Variants in TYW5 observed in about 807,000 individuals in gnomAD.
The protein encoded by TYW5 is tRNA wybutosine-synthesizing protein 5.
Under a neutral mutation model 44.4 loss-of-function variants are expected in TYW5, and 36 were observed. That is an observed-to-expected ratio of 0.81 (90% CI 0.62 to 1.07). The LOEUF is 1.07. Among genes scored for constraint, TYW5 ranks in the 50% least tolerant of loss-of-function variants. The pLI is 0.00. For synonymous variants in TYW5, 121 were observed against 128.1 expected (o/e 0.94, Z 0.37); for missense variants, 354 against 365.7 (o/e 0.97, Z 0.26).
chr2:199,951,355 A>T (rs1044171607), intron 1 of TYW5, among the ~76,000 whole-genome samples: 5 of 152,306 alleles, frequency 3.3e-5, no homozygotes, highest in African/African-American at 1.2e-4. Context: ...TATTGTGTTT[A>T]AAAAAAGTGA....
At position 199,930,490 on chromosome 2, in the gene TYW5, T is replaced by G. The variant is rs1186026292; in HGVS notation, c.*2577A>C. The G allele has an allele frequency of 6.6e-6, 1 of 152,208 alleles. No homozygotes were observed. Among genetic ancestry groups the G allele is most frequent in the Non-Finnish European group, 1.5e-5 (1 of 68,040 alleles). 9.4% of individuals were successfully genotyped at this position (152,208 alleles called of 1,614,324 possible). A position where few individuals can be genotyped will look rare whatever the true frequency, so the allele number is the denominator to read the frequency against. On this transcript the variant is annotated 3_prime_UTR_variant, in exon 8 of 8. Coordinates refer to ENST00000354611, the MANE Select transcript of TYW5 (RefSeq NM_001039693.3). ...TAACATTTAATTTTTCTATTTTTAG[T>G]AGAGACGGGGTTTTACCATGTTGGC...
intron 5 of TYW5, among the ~76,000 whole-genome samples, chr2:199,937,582 T>A (rs1344196629): frequency 6.6e-6 from 1 of 151,992 alleles, no homozygotes; most frequent in Non-Finnish European, 1.5e-5. Flanking sequence ...GATACGAGAA[T>A]CACTTGAATC....
Position 199,955,465 on chromosome 2 carries a change from G to C in TYW5, c.6C>G (p.Ala2=), listed in dbSNP as rs931521211. The C allele has an allele frequency of 5.6e-6, 9 of 1,613,680 alleles. No individual in the cohort carries two copies. The highest frequency in any genetic ancestry group is 7.6e-6 in the Non-Finnish European group (9 of 1,179,914). Residue 2 remains alanine (A), a synonymous_variant, in exon 1 of 8, where the codon GCC becomes GCG. Coordinates refer to ENST00000354611, the MANE Select transcript of TYW5 (RefSeq NM_001039693.3). M[A]GQHLPVPRLE... Reference sequence around the variant, plus strand: ...GCCGGGGTACCGGGAGGTGCTGCCCGGCCATGGTTGCTCACGCCTGCCCTC... The same window carrying C: ...GCCGGGGTACCGGGAGGTGCTGCCCCGCCATGGTTGCTCACGCCTGCCCTC...
intron 5 of TYW5, 82 bp from the exon 6 acceptor site, chr2:199,936,574 C>T: frequency 9.0e-7 from 1 of 1,108,840 alleles, no homozygotes; most frequent in South Asian, 1.3e-5. Flanking sequence ...ACTTTAACTG[C>T]AAACCCGATC....
rs781501167 is a variant in TYW5, at chr2:199,933,337, A to T, written c.692-14T>A. On this transcript the variant is annotated splice_polypyrimidine_tract_variant and intron_variant, in intron 7 of 7. Transcript: ENST00000354611. ...GGAACCATAAAGCTGGAGAAAGTTT[A>T]AAAAACAAGTTAAAAATAAAACCTA... 1.3e-6 allele frequency: 2 copies of T among 1,575,118 alleles called. No homozygotes were observed. The highest frequency in any genetic ancestry group is 2.8e-5 in the African/African-American group (2 of 72,632).
intron 7 of TYW5, among the ~76,000 whole-genome samples, chr2:199,935,060 T>C (rs1414478182): frequency 4.5e-4 from 68 of 152,062 alleles, no homozygotes; most frequent in Non-Finnish European, 1.0e-4. Flanking sequence ...GAAATATTTT[T>C]AAAATAAAAT....
intron 2 of TYW5, chr2:199,946,169 T>A (rs1391686941): frequency 6.6e-6 from 1 of 152,230 alleles, no homozygotes; most frequent in Non-Finnish European, 1.5e-5. Context: ...TCACAGATTG[T>A]TCTGAAGTTT....
chr2:199,948,428 T>C lies in TYW5; in HGVS notation c.123A>G (p.Thr41=), dbSNP rs1227614846. The C allele has an allele frequency of 6.2e-7, 1 of 1,614,144 alleles. No homozygotes were observed. The highest frequency in any genetic ancestry group is 1.3e-5 in the African/African-American group (1 of 75,054). ...TTAGGTAATCCACTGTCCATTTGCT[T>C]GTACATGGCCCCAAATCAATCCCTT... ...VLEGIDLGPC[T]SKWTVDYLSQ... Residue 41 remains threonine, a synonymous_variant, in exon 2 of 8, where the codon ACA becomes ACG. Coordinates refer to ENST00000354611, the MANE Select transcript of TYW5 (RefSeq NM_001039693.3).
chr2:199,950,266 T>C (rs529442704), intron 1 of TYW5, among the ~76,000 whole-genome samples: 1 of 152,328 alleles, frequency 6.6e-6, no homozygotes, highest in African/African-American at 2.4e-5. Flanking sequence ...CAAGGTTCAT[T>C]ATAATCTACT....
Position 199,933,077 on chromosome 2 carries a change from T to A in TYW5, c.938A>T (p.Asn313Ile). The change falls in exon 8 of 8, where the codon AAC becomes ATC. Residue 313 changes from asparagine (N) to isoleucine (I), a missense_variant. Physicochemically the swap from Asn to Ile is moderately radical, Grantham distance 149. Transcript: ENST00000354611. Reference protein sequence around the residue: ...LHIQDKAYSKNSE With the variant: ...LHIQDKAYSKISE Reference sequence around the variant, plus strand: ...CATTCACTTCATTATTTACTCAGAGTTCTTGCTGTAGGCTTTGTCTTGAAT... The same window carrying A: ...CATTCACTTCATTATTTACTCAGAGATCTTGCTGTAGGCTTTGTCTTGAAT... 6.2e-7 allele frequency: 1 copy of A among 1,613,894 alleles called. No homozygotes were observed. The highest frequency in any genetic ancestry group is 8.5e-7 in the Non-Finnish European group (1 of 1,179,924).
chr2:199,933,443 A>G (rs1160385760), intron 7 of TYW5, 120 bp from the exon 8 acceptor site: 1 of 849,292 alleles, frequency 1.2e-6, no homozygotes, highest in Non-Finnish European at 1.8e-6. Flanking sequence ...TTGTAACCAG[A>G]TCCCTTCGTT....
intron 7 of TYW5, 72 bp from the exon 8 acceptor site, chr2:199,933,395 T>C: frequency 7.7e-7 from 1 of 1,305,818 alleles, no homozygotes; most frequent in African/African-American, 1.5e-5. Flanking sequence ...GTCAGTGAAA[T>C]ATCACGAATT....
chr2:199,949,922 G>T (rs2077532050), intron 1 of TYW5, among the ~76,000 whole-genome samples: 1 of 152,082 alleles, frequency 6.6e-6, no homozygotes, highest in Non-Finnish European at 1.5e-5. Flanking sequence ...AATTATCCCA[G>T]ATTTGGCCAG....
At chr2:199,939,627 G>A (rs1306730377) in intron 4 of TYW5, among the ~76,000 whole-genome samples, 1 of 151,896 alleles carries the variant, frequency 6.6e-6, no homozygotes, top group Non-Finnish European at 1.5e-5. Flanking sequence ...CTGAGGGAGG[G>A]GACTAAAAGA....
At chr2:199,933,820 T>C (rs542850430) in intron 7 of TYW5, among the ~76,000 whole-genome samples, 12 of 152,202 alleles carry the variant, frequency 7.9e-5, no homozygotes, top group Non-Finnish European at 1.6e-4. Flanking sequence ...TTCGTATTCA[T>C]TATAGCCTCC....
At position 199,930,855 on chromosome 2, in the gene TYW5, T is replaced by G. The variant is rs919844435; in HGVS notation, c.*2212A>C. 1.3e-5 allele frequency: 2 copies of G among 152,160 alleles called. No homozygotes were observed. Among genetic ancestry groups the G allele is most frequent in the African/African-American group, 4.8e-5 (2 of 41,428 alleles). 9.4% of individuals were successfully genotyped at this position (152,160 alleles called of 1,614,324 possible). ...CCAGACAATCATTAAGCAATCTGGG[T>G]TGGTTAGATGGCTTCTAAGATCTCT... On this transcript the variant is annotated 3_prime_UTR_variant, in exon 8 of 8. Transcript: ENST00000354611.
intron 7 of TYW5, among the ~76,000 whole-genome samples, chr2:199,934,863 C>A (rs2077406815): frequency 6.6e-6 from 1 of 151,960 alleles, no homozygotes; most frequent in East Asian, 1.9e-4. Context: ...CAAACTAATG[C>A]CTATTAATTG....
chr2:199,945,736 AAACAG>A (rs1397187451), intron 2 of TYW5: 2 of 152,214 alleles, frequency 1.3e-5, no homozygotes, highest in African/African-American at 2.4e-5. Context: ...ACCTTTAGAA[AAACAG>A]AACAGAACAG....
intron 7 of TYW5, 47 bp from the exon 8 acceptor site, chr2:199,933,370 AAAAAAACCC>A (rs2077395548): frequency 1.3e-6 from 2 of 1,506,088 alleles, no homozygotes; most frequent in Non-Finnish European, 1.8e-6. Flanking sequence ...CTACAGTTAA[AAAAAAACCC>A]AAAATGTCAG....
Sources: allele counts gnomAD v4.1 joint callset (sites outside exome capture counted in the v4.1 genomes callset), GRCh38; gene constraint gnomAD v4.1.1; transcripts MANE v1.5; gene names NCBI Gene and HGNC (gene_info 2026-07-23, HGNC 2026-07-21).